ATE1: variants seen among roughly 807,000 people sequenced by gnomAD.
The protein encoded by ATE1 is arginyl-tRNA--protein transferase 1.
ATE1 carries 36 observed loss-of-function variants against 70.5 expected under a neutral mutation model. That is an observed-to-expected ratio of 0.51 (90% CI 0.39 to 0.67). The LOEUF (loss-of-function observed/expected upper bound fraction) is 0.67. ATE1 is among the 30% of genes least tolerant of loss of function. The probability of loss-of-function intolerance (pLI) is 0.00; values close to 1 mark genes in which losing one functional copy is unlikely to be tolerated. For synonymous variants in ATE1, 232 were observed against 219.3 expected (o/e 1.06, Z -0.51); for missense variants, 593 against 629.5 (o/e 0.94, Z 0.62).
At chr10:121,894,707 T>C (rs1950708548) in intron 7 of ATE1, among the ~76,000 whole-genome samples, 1 of 151,912 alleles carries the variant, frequency 6.6e-6, no homozygotes, top group Non-Finnish European at 1.5e-5. Context: ...AGACCATCCC[T>C]GGCTAACACG....
intron 11 of ATE1, among the ~76,000 whole-genome samples, chr10:121,756,394 A>G (rs2935687): frequency 0.97 from 148,263 of 152,232 alleles, 72,292 homozygotes; most frequent in East Asian, 1. Flanking sequence ...CTGCCATTCT[A>G]GGGTCTGGAG....
intron 7 of ATE1, among the ~76,000 whole-genome samples, chr10:121,880,461 A>C: frequency 6.6e-6 from 1 of 151,992 alleles, no homozygotes; most frequent in East Asian, 1.9e-4. Context: ...GCTTGAATAG[A>C]AGAATCACAT....
chr10:121,913,756 A>G (rs761634106), intron 4 of ATE1, 34 bp downstream of exon 4: 1 of 1,448,480 alleles, frequency 6.9e-7, no homozygotes, highest in Non-Finnish European at 9.7e-7. Context: ...GCAAAGACAG[A>G]TAGTAAATCG....
At chr10:121,908,230 G>A (rs910464546) in intron 5 of ATE1, among the ~76,000 whole-genome samples, 18 of 152,198 alleles carry the variant, frequency 1.2e-4, no homozygotes, top group African/African-American at 4.3e-4. Flanking sequence ...CCAGCCGGGT[G>A]CAGTGGCTCA....
At chr10:121,856,475 A>G in intron 8 of ATE1, among the ~76,000 whole-genome samples, 1 of 152,228 alleles carries the variant, frequency 6.6e-6, no homozygotes, top group East Asian at 1.9e-4. Flanking sequence ...GGCTGCAGTG[A>G]GCCGAGATCA....
intron 11 of ATE1, among the ~76,000 whole-genome samples, chr10:121,789,800 G>A: frequency 6.6e-6 from 1 of 152,078 alleles, no homozygotes; most frequent in East Asian, 1.9e-4. Context: ...CGGTCCAGTT[G>A]GTCAATATTT....
At chr10:121,919,942 C>G (rs1216649653) in intron 3 of ATE1, among the ~76,000 whole-genome samples, 2 of 151,974 alleles carry the variant, frequency 1.3e-5, no homozygotes, top group Admixed American at 6.6e-5. Context: ...GTCTACATCC[C>G]TTTGGGCAGG....
At chr10:121,861,356 T>C (rs1384564448) in intron 8 of ATE1, among the ~76,000 whole-genome samples, 1 of 152,120 alleles carries the variant, frequency 6.6e-6, no homozygotes, top group Non-Finnish European at 1.5e-5. Context: ...ATTTATCATA[T>C]GGGACTGGTT....
chr10:121,757,933 G>T (rs1050805072), intron 11 of ATE1, among the ~76,000 whole-genome samples: 17 of 152,118 alleles, frequency 1.1e-4, no homozygotes, highest in African/African-American at 2.2e-4. Context: ...GTTAAATTTT[G>T]TTCTGACATA....
At chr10:121,840,130 A>G (rs1279021688) in intron 9 of ATE1, among the ~76,000 whole-genome samples, 6 of 152,174 alleles carry the variant, frequency 3.9e-5, no homozygotes, top group African/African-American at 7.2e-5. Flanking sequence ...GAAGACTCCA[A>G]TCTTCTCACC....
upstream of ATE1, chr10:121,928,091 C>T (rs1590754791): frequency 8.2e-7 from 1 of 1,214,118 alleles, no homozygotes; most frequent in Non-Finnish European, 1.0e-6. Context: ...CCCGGCCGGC[C>T]CGGCGCCTCT....
intron 7 of ATE1, among the ~76,000 whole-genome samples, chr10:121,871,840 A>C (rs1032310400): frequency 3.3e-5 from 5 of 152,262 alleles, no homozygotes; most frequent in African/African-American, 9.6e-5. Context: ...TAACTTTCTG[A>C]AAGTGCAAAA....
At chr10:121,862,402 T>C (rs1469892003) in intron 8 of ATE1, among the ~76,000 whole-genome samples, 4 of 152,008 alleles carry the variant, frequency 2.6e-5, no homozygotes, top group Non-Finnish European at 5.9e-5. Flanking sequence ...CTTTTCTTTC[T>C]TTGGAGTGCA....
At chr10:121,838,465 A>C (rs558304934) in intron 9 of ATE1, among the ~76,000 whole-genome samples, 5 of 152,266 alleles carry the variant, frequency 3.3e-5, no homozygotes, top group African/African-American at 1.2e-4. Context: ...ACCTCGAGGC[A>C]CTTAGATTTG....
chr10:121,866,038 G>A (rs991911235), intron 8 of ATE1, among the ~76,000 whole-genome samples: 4 of 152,122 alleles, frequency 2.6e-5, no homozygotes, highest in Non-Finnish European at 5.9e-5. Flanking sequence ...ATTAAAGAAG[G>A]TGCTGGGTAT....
chr10:121,815,541 T>A (rs1947507262), intron 10 of ATE1, among the ~76,000 whole-genome samples: 1 of 152,170 alleles, frequency 6.6e-6, no homozygotes, highest in East Asian at 1.9e-4. Flanking sequence ...TAAATTGACA[T>A]AAAGGTCACA....
intron 10 of ATE1, among the ~76,000 whole-genome samples, chr10:121,825,693 T>C (rs1947980214): frequency 6.6e-6 from 1 of 151,838 alleles, no homozygotes; most frequent in Non-Finnish European, 1.5e-5. Flanking sequence ...CAAGTGCTGG[T>C]GAGGATGTGG....
At chr10:121,760,469 G>T (rs754768154) in intron 11 of ATE1, among the ~76,000 whole-genome samples, 2 of 152,210 alleles carry the variant, frequency 1.3e-5, no homozygotes, top group African/African-American at 2.4e-5. Flanking sequence ...ATTTGGAGGG[G>T]TTTGAGAATT....
chr10:121,867,752 A>G (rs1949712115), intron 8 of ATE1, among the ~76,000 whole-genome samples: 1 of 152,188 alleles, frequency 6.6e-6, no homozygotes, highest in Admixed American at 6.5e-5. Context: ...ATAATTTTGC[A>G]TCGTGCTTTT....
Sources: gnomAD v4.1 joint callset for allele counts (sites outside exome capture counted in the v4.1 genomes callset) on GRCh38, gnomAD v4.1.1 for gene constraint, MANE v1.5 for transcripts, NCBI Gene and HGNC (gene_info 2026-07-23, HGNC 2026-07-21) for gene names.